The following PADI4 variants were observed in gnomAD, a reference collection of about 807,000 sequenced individuals.
PADI4 encodes the protein peptidyl arginine deiminase 4, also known as protein-arginine deiminase type-4.
PADI4 carries 62 observed loss-of-function variants against 75.0 expected under a neutral mutation model. The ratio of observed to expected loss-of-function variants is 0.83; its 90% CI spans 0.67 to 1.02. The LOEUF is 1.02. Among genes scored for constraint, PADI4 ranks in the 50% least tolerant of loss-of-function variants. The probability of loss-of-function intolerance (pLI) is 0.00; values close to 1 mark genes in which losing one functional copy is unlikely to be tolerated. For synonymous variants in PADI4, 361 were observed against 348.1 expected (o/e 1.04, Z -0.41); for missense variants, 845 against 850.5 (o/e 0.99, Z 0.08).
rs187275065 is a variant in PADI4 at position 17,334,448 on chromosome 1, G to T, written c.340+439G>T. The stretch of plus-strand genomic sequence containing the variant: ...GTCCCTAGTAGCTGGGACTACAGGC[G>T]CTTGCCACCACGCCTGGCTAATTTT... On this transcript the variant is annotated intron_variant, in intron 3 of 15. Coordinates refer to ENST00000375448, the MANE Select transcript of PADI4 (RefSeq NM_012387.3). The T allele has an allele frequency of 2.4e-4, 109 of 453,368 alleles. 1 individual carries two copies. In the East Asian group the frequency reaches 7.4e-3, roughly 31 times the overall value. 28.1% of individuals were successfully genotyped at this position (453,368 alleles called of 1,614,324 possible). A position where few individuals can be genotyped will look rare whatever the true frequency, so the allele number is the denominator to read the frequency against.
chr1:17,348,105 T>C, intron 10 of PADI4, 57 bp downstream of exon 10: 2 of 1,133,462 alleles, frequency 1.8e-6, no homozygotes, highest in Non-Finnish European at 2.7e-6. Context: ...GTCTTGAGAC[T>C]CCCTCCTTTT....
At chr1:17,345,001 A>G (rs2100750465) in intron 8 of PADI4, among the ~76,000 whole-genome samples, 1 of 152,362 alleles carries the variant, frequency 6.6e-6, no homozygotes, top group East Asian at 1.9e-4. Context: ...GAAAAGCCAC[A>G]GACACTCAAC....
At chr1:17,334,459 C>T (rs552514181) in intron 3 of PADI4, 83 of 447,756 alleles carry the variant, frequency 1.9e-4, no homozygotes, top group South Asian at 8.8e-4. Flanking sequence ...CTTGCCACCA[C>T]GCCTGGCTAA....
At chr1:17,333,568 C>T (rs2074254941) in intron 2 of PADI4, among the ~76,000 whole-genome samples, 1 of 151,716 alleles carries the variant, frequency 6.6e-6, no homozygotes, top group African/African-American at 2.4e-5. Flanking sequence ...TTCCTTGATC[C>T]CTTCTGCTTG....
chr1:17,320,178 G>T (rs1407126516), intron 1 of PADI4, among the ~76,000 whole-genome samples: 2 of 152,164 alleles, frequency 1.3e-5, no homozygotes, highest in Non-Finnish European at 2.9e-5. Flanking sequence ...GCATTCCTTG[G>T]CTTGTGGCCC....
intron 10 of PADI4, among the ~76,000 whole-genome samples, chr1:17,352,137 G>GTGGGAGGAGAGGCGGC (rs2074665177): frequency 6.6e-6 from 1 of 150,688 alleles, no homozygotes; most frequent in African/African-American, 2.4e-5. Context: ...GTGATGGGAG[G>GTGGGAGGAGAGGCGGC]CAGTAGGAGA....
In PADI4 at chr1:17,354,690, A is replaced by G; in HGVS notation, c.1310+3A>G. The G allele has an allele frequency of 6.3e-7, 1 of 1,597,838 alleles. No homozygotes were observed. Among genetic ancestry groups the G allele is most frequent in the Non-Finnish European group, 8.5e-7 (1 of 1,170,728 alleles). On this transcript the variant is annotated splice_donor_region_variant and intron_variant, in intron 11 of 15. Coordinates refer to ENST00000375448, the MANE Select transcript of PADI4 (RefSeq NM_012387.3). ...TTCGGGGACAGCTGTTATCCCAGGT[A>G]AGGAGGGGAGTAACAGGAAGGGGTG... is the stretch of plus-strand genomic sequence containing the variant.
At chr1:17,352,210 A>AGC (rs1557577587) in intron 10 of PADI4, among the ~76,000 whole-genome samples, 4 of 113,514 alleles carry the variant, frequency 3.5e-5, no homozygotes, top group African/African-American at 1.3e-4. Context: ...GGGAGGTGGT[A>AGC]AGAGGGGTGG....
rs558189288 is a variant in PADI4 at position 17,331,639 on chromosome 1, C to T, written c.273+490C>T. The stretch of plus-strand genomic sequence containing the variant: ...TAGAAAATCACCATGGTGGCCTGGC[C>T]GGGCACAGTGGCTCACACCTGTAAT... On this transcript the variant is annotated intron_variant, in intron 2 of 15. Transcript: ENST00000375448. Among the ~76,000 whole-genome samples the T allele has an allele frequency of 1.8e-3, 268 of 146,594 alleles. 1 individual carries two copies. The highest frequency in any genetic ancestry group is 6.3e-3 in the African/African-American group (253 of 39,976).
chr1:17,324,840 A>G (rs928787082), intron 1 of PADI4, among the ~76,000 whole-genome samples: 1 of 152,236 alleles, frequency 6.6e-6, no homozygotes, highest in Non-Finnish European at 1.5e-5. Flanking sequence ...TTTCCAATTT[A>G]GTATTTTCTA....
chr1:17,345,816 C>T (rs1023623866), intron 8 of PADI4, among the ~76,000 whole-genome samples: 11 of 152,100 alleles, frequency 7.2e-5, no homozygotes, highest in African/African-American at 1.9e-4. Flanking sequence ...GACTAATACA[C>T]GGGTGGAAGG....
chr1:17,315,819 G>T (rs570093286), intron 1 of PADI4, among the ~76,000 whole-genome samples: 2 of 151,990 alleles, frequency 1.3e-5, no homozygotes, highest in Admixed American at 1.3e-4. Context: ...TCCATTTTTG[G>T]AGAAAATTCT....
At chr1:17,336,542 T>C (rs2074314784) in intron 4 of PADI4, among the ~76,000 whole-genome samples, 1 of 152,138 alleles carries the variant, frequency 6.6e-6, no homozygotes, top group African/African-American at 2.4e-5. Flanking sequence ...CCCTACTCCA[T>C]GCTCTACAGC....
intron 15 of PADI4, among the ~76,000 whole-genome samples, chr1:17,359,679 C>T (rs2074822536): frequency 1.3e-5 from 2 of 152,204 alleles, no homozygotes; most frequent in South Asian, 4.1e-4. Flanking sequence ...GGGCAGAGCC[C>T]TGGGCACACA....
In PADI4 at chr1:17,356,072, T is replaced by C. The variant is rs767259561; in HGVS notation, c.1400T>C (p.Leu467Pro). 9 of 1,614,076 alleles carry C rather than the reference T, an allele frequency of 5.6e-6. No individual in the cohort carries two copies. In the Admixed American group the frequency reaches 1.5e-4, roughly 27 times the overall value. Residue 467 changes from leucine to proline, a missense_variant, in exon 12 of 16, where the codon CTG becomes CCG. By Grantham distance (98) the Leu-to-Pro change is moderately conservative. Transcript: ENST00000375448. The surrounding 1 kb of genome is among the most constrained non-coding windows in gnomAD (Gnocchi z 4.1). ...CCTGTGAAGCTCTATTCTGACTGGC[T>C]GTCCGTGGGCCACGTGGACGAGTTC... ...QAPVKLYSDW[L>P]SVGHVDEFLS...
chr1:17,309,145 T>TA (rs60497625), intron 1 of PADI4, among the ~76,000 whole-genome samples: 95 of 138,796 alleles, frequency 6.8e-4, no homozygotes, highest in African/African-American at 2.5e-3. Flanking sequence ...AGTTCTATGT[T>TA]AAAAAAAAAA....
chr1:17,313,720 G>T (rs2073885922), intron 1 of PADI4, among the ~76,000 whole-genome samples: 2 of 152,214 alleles, frequency 1.3e-5, no homozygotes, highest in Non-Finnish European at 2.9e-5. Flanking sequence ...CCTCATGGGG[G>T]TGGTTGATCA....
chr1:17,355,147 G>A (rs911621408), intron 11 of PADI4, among the ~76,000 whole-genome samples: 1 of 152,110 alleles, frequency 6.6e-6, no homozygotes, highest in African/African-American at 2.4e-5. Context: ...GAAGGGACAG[G>A]GCCACCTGGA....
intron 2 of PADI4, among the ~76,000 whole-genome samples, chr1:17,333,158 T>A (rs950154601): frequency 6.6e-6 from 1 of 152,054 alleles, no homozygotes; most frequent in Admixed American, 6.5e-5. Context: ...AGCAAGTAGA[T>A]AGGATCTAGG....
Sources: allele counts gnomAD v4.1 joint callset (sites outside exome capture counted in the v4.1 genomes callset), GRCh38; gene constraint gnomAD v4.1.1; non-coding constraint Gnocchi (gnomAD v3.1); transcripts MANE v1.5; gene names NCBI Gene and HGNC (gene_info 2026-07-23, HGNC 2026-07-21).